Variants in GLG1 observed in about 807,000 individuals in gnomAD.
The protein encoded by GLG1 is Golgi apparatus protein 1.
GLG1 carries 38 observed loss-of-function variants against 160.5 expected under a neutral mutation model. The observed-to-expected ratio is 0.24, with a 90% CI of 0.18 to 0.31. The LOEUF is 0.31. Ranked by LOEUF, GLG1 falls within the 10% of genes least tolerant of loss-of-function variation. The pLI, the probability that GLG1 is intolerant of heterozygous loss-of-function variation, is 1.00. For synonymous variants in GLG1, 644 were observed against 543.4 expected (o/e 1.19, Z -2.57); for missense variants, 1,373 against 1,505.2 (o/e 0.91, Z 1.45).
At chr16:74,500,800 T>C (rs2016376811) in intron 4 of GLG1, among the ~76,000 whole-genome samples, 1 of 152,230 alleles carries the variant, frequency 6.6e-6, no homozygotes, top group South Asian at 2.1e-4. Flanking sequence ...GTAAATCATT[T>C]ATATCTTTAC....
At position 74,465,773 on chromosome 16, in the gene GLG1, G is replaced by C. The variant is rs2014977538; in HGVS notation, c.2570C>G (p.Thr857Ser). 1.2e-6 allele frequency: 2 copies of C among 1,613,074 alleles called. No homozygotes were observed. Among genetic ancestry groups the C allele is most frequent in the Non-Finnish European group, 8.5e-7 (1 of 1,179,100 alleles). Residue 857 changes from threonine to serine, a missense_variant, in exon 19 of 26, where the codon ACC becomes AGC. By Grantham distance (58) the Thr-to-Ser change is moderately conservative (BLOSUM62 1). Transcript: ENST00000422840. ...CTTAAATACTTTTTGGTGGCAGCGG[G>C]TGCTTAGCTGCTTCTTGTTTTCTTT... ...CLKENKKQLSTRCHQKVFKLQ... is the reference protein window; with the variant it reads ...CLKENKKQLSSRCHQKVFKLQ...
At chr16:74,465,086 G>A (rs942142235) in intron 19 of GLG1, among the ~76,000 whole-genome samples, 5 of 152,078 alleles carry the variant, frequency 3.3e-5, no homozygotes, top group African/African-American at 4.8e-5. Flanking sequence ...TGATCCTCCC[G>A]CCTTGGCCTC....
Position 74,512,182 on chromosome 16 carries a change from G to A in GLG1, c.472-3257C>T, listed in dbSNP as rs983912179. ...TTTCTTTTTTTTTTTTTTCTCAGAC[G>A]GAGTCTTGCTCTGTCACCCAGGCTG... is the stretch of plus-strand genomic sequence containing the variant. On this transcript the variant is annotated intron_variant, in intron 2 of 25. Transcript: ENST00000422840. Among the ~76,000 whole-genome samples, 85 of 126,336 alleles carry A rather than the reference G, an allele frequency of 6.7e-4. 1 individual carries two copies. Among genetic ancestry groups the A allele is most frequent in the Non-Finnish European group, 7.6e-4 (46 of 60,202 alleles). 82.9% of individuals were successfully genotyped at this position (126,336 alleles called of 152,430 possible).
At chr16:74,599,874 CA>C (rs942955435) in intron 1 of GLG1, among the ~76,000 whole-genome samples, 18 of 128,502 alleles carry the variant, frequency 1.4e-4, no homozygotes, top group African/African-American at 3.2e-4. Flanking sequence ...AAAAAAAAAA[CA>C]AAAAAAAAAT....
At chr16:74,549,867 A>G (rs1233400599) in intron 1 of GLG1, among the ~76,000 whole-genome samples, 2 of 151,932 alleles carry the variant, frequency 1.3e-5, no homozygotes, top group African/African-American at 4.8e-5. Context: ...TAATCCCACC[A>G]CTGTAGGAGG....
chr16:74,579,224 C>T (rs1442937589), intron 1 of GLG1, among the ~76,000 whole-genome samples: 1 of 152,124 alleles, frequency 6.6e-6, no homozygotes, highest in African/African-American at 2.4e-5. Flanking sequence ...GCCTGGGCAA[C>T]ATGGTGAGAC....
chr16:74,477,656 C>T (rs2015433479), intron 11 of GLG1, 123 bp from the exon 12 acceptor site: 3 of 681,974 alleles, frequency 4.4e-6, no homozygotes, highest in East Asian at 2.8e-5. Flanking sequence ...AAATTTTATA[C>T]CTCAAATATC....
chr16:74,515,863 G>C (rs971020019), intron 2 of GLG1, among the ~76,000 whole-genome samples: 1 of 151,218 alleles, frequency 6.6e-6, no homozygotes, highest in Non-Finnish European at 1.5e-5. Flanking sequence ...GATCTACCAA[G>C]CAAATGGAAA....
intron 1 of GLG1, among the ~76,000 whole-genome samples, chr16:74,572,022 T>C (rs533368424): frequency 8.5e-5 from 13 of 152,062 alleles, no homozygotes; most frequent in South Asian, 2.1e-4. Context: ...ACTGAATGAA[T>C]TGAATGGTGG....
chr16:74,605,594 T>C (rs1958548110), intron 1 of GLG1, among the ~76,000 whole-genome samples: 1 of 152,188 alleles, frequency 6.6e-6, no homozygotes, highest in Non-Finnish European at 1.5e-5. Context: ...TTCTGTCTCC[T>C]GCTTATGTAT....
At chr16:74,475,752 T>C (rs1263730513) in intron 12 of GLG1, among the ~76,000 whole-genome samples, 1 of 152,160 alleles carries the variant, frequency 6.6e-6, no homozygotes, top group Non-Finnish European at 1.5e-5. Context: ...GTTTCAGAAT[T>C]AGAATGTGAG....
intron 2 of GLG1, among the ~76,000 whole-genome samples, chr16:74,514,672 G>A (rs947749402): frequency 6.6e-6 from 1 of 152,146 alleles, no homozygotes; most frequent in Non-Finnish European, 1.5e-5. Flanking sequence ...ACCGGTACCA[G>A]CCACTGCAAA....
intron 1 of GLG1, among the ~76,000 whole-genome samples, chr16:74,565,358 G>C (rs144023502): frequency 6.6e-6 from 1 of 152,274 alleles, no homozygotes; most frequent in African/African-American, 2.4e-5. Context: ...ACAAAACTGA[G>C]AGGTTGACCA....
At chr16:74,494,682 G>T in intron 6 of GLG1, 78 bp downstream of exon 6, 1 of 674,602 alleles carries the variant, frequency 1.5e-6, no homozygotes, top group African/African-American at 1.8e-5. Context: ...TGGGATTACA[G>T]GCGTGAGCCA....
At position 74,448,683 on chromosome 16, in the gene GLG1, C is replaced by T. The variant is rs1329012722; in HGVS notation, c.*4484G>A. 1 of 140,160 alleles carries T rather than the reference C, an allele frequency of 7.1e-6. No individual in the cohort carries two copies. Among genetic ancestry groups the T allele is most frequent in the African/African-American group, 2.7e-5 (1 of 36,920 alleles). The allele number at this position is 140,160 out of a possible 1,614,324, so 8.7% of individuals were successfully genotyped here. A position where few individuals can be genotyped will look rare whatever the true frequency, so the allele number is the denominator to read the frequency against. On this transcript the variant is annotated 3_prime_UTR_variant, in exon 26 of 26. Transcript: ENST00000422840. ...AGGAGAACTGCTTGAACCTAGGAGG[C>T]AGAAGTTGCAGTGAGCCGAGATTGC...
chr16:74,478,881 T>G lies in GLG1; in HGVS notation c.1828-1348A>C, dbSNP rs1231340412. ...GCACTCCAGCCTGGGCCAACAAGAGTGAAACTCCGTCTCAAAAAAAAAAAA... is the reference window on the plus strand; with the variant it reads ...GCACTCCAGCCTGGGCCAACAAGAGGGAAACTCCGTCTCAAAAAAAAAAAA... On this transcript the variant is annotated intron_variant, in intron 11 of 25. Transcript: ENST00000422840. Among the ~76,000 whole-genome samples the G allele has an allele frequency of 3.2e-4, 24 of 74,848 alleles. No individual in the cohort carries two copies. In the East Asian group the frequency reaches 6.8e-3, roughly 21 times the overall value. 49.1% of individuals were successfully genotyped at this position (74,848 alleles called of 152,430 possible).
At chr16:74,532,571 T>A (rs1311435965) in intron 1 of GLG1, among the ~76,000 whole-genome samples, 2 of 152,146 alleles carry the variant, frequency 1.3e-5, no homozygotes, top group African/African-American at 4.8e-5. Flanking sequence ...TCACCCAGGC[T>A]GCCATGCAGT....
At chr16:74,547,389 T>C (rs1378599405) in intron 1 of GLG1, among the ~76,000 whole-genome samples, 1 of 151,928 alleles carries the variant, frequency 6.6e-6, no homozygotes, top group Admixed American at 6.6e-5. Context: ...CTAGCTTACA[T>C]AAGTAATTGC....
chr16:74,586,269 C>T (rs1294899786), intron 1 of GLG1, among the ~76,000 whole-genome samples: 1 of 152,108 alleles, frequency 6.6e-6, no homozygotes, highest in East Asian at 1.9e-4. Flanking sequence ...TCCCCCACAA[C>T]TTCTCTTGTG....
Sources: gnomAD v4.1 joint callset for allele counts (sites outside exome capture counted in the v4.1 genomes callset) on GRCh38, gnomAD v4.1.1 for gene constraint, MANE v1.5 for transcripts, NCBI Gene and HGNC (gene_info 2026-07-23, HGNC 2026-07-21) for gene names.